The following RGL1 variants were observed in gnomAD, a reference collection of about 807,000 sequenced individuals.
RGL1 encodes ral guanine nucleotide dissociation stimulator-like 1.
A neutral mutation model predicts 95.2 loss-of-function variants in RGL1; 24 were observed. The observed-to-expected ratio is 0.25, with a 90% CI of 0.18 to 0.35. RGL1 has a LOEUF of 0.35. Ranked by LOEUF, RGL1 falls within the 10% of genes least tolerant of loss-of-function variation. The pLI is 1.00. For missense variants in RGL1, 715 were observed against 936.3 expected, an observed-to-expected ratio of 0.76 and a Z score of 3.08; for synonymous variants, 329 against 344.9, an observed-to-expected ratio of 0.95 and a Z score of 0.51.
chr1:183,691,713 C>G (rs747495165), intron 1 of RGL1, among the ~76,000 whole-genome samples: 1 of 151,980 alleles, frequency 6.6e-6, no homozygotes, highest in Non-Finnish European at 1.5e-5. Flanking sequence ...CATTAGTAAG[C>G]CATATTTTTA....
chr1:183,700,853 G>C (rs1174294902), intron 1 of RGL1, among the ~76,000 whole-genome samples: 2 of 151,932 alleles, frequency 1.3e-5, no homozygotes, highest in Non-Finnish European at 2.9e-5. Flanking sequence ...CTGTCATCTA[G>C]GTTTTAAGCC....
At chr1:183,856,590 T>C (rs1231295400) in intron 3 of RGL1, among the ~76,000 whole-genome samples, 1 of 150,668 alleles carries the variant, frequency 6.6e-6, no homozygotes, top group Non-Finnish European at 1.5e-5. Context: ...GGAGCCAGAA[T>C]GTGACCAGAA....
At chr1:183,787,122 G>A (rs77429091) in intron 2 of RGL1, among the ~76,000 whole-genome samples, 197 of 152,328 alleles carry the variant, frequency 1.3e-3, no homozygotes, top group Middle Eastern at 3.4e-3. Context: ...CATGGAATGA[G>A]CTAATGAGAG....
chr1:183,712,295 G>T (rs543608285), intron 1 of RGL1, among the ~76,000 whole-genome samples: 1 of 152,200 alleles, frequency 6.6e-6, no homozygotes, highest in East Asian at 1.9e-4. Context: ...GAGGCCGTGA[G>T]GTATTCACTT....
chr1:183,644,376 G>T (rs1650144878), intron 1 of RGL1, among the ~76,000 whole-genome samples: 1 of 152,050 alleles, frequency 6.6e-6, no homozygotes, highest in South Asian at 2.1e-4. Context: ...ATACATGTAA[G>T]TGCTTAGAAA....
intron 2 of RGL1, among the ~76,000 whole-genome samples, chr1:183,752,994 T>G (rs568581932): frequency 1.3e-5 from 2 of 152,284 alleles, no homozygotes; most frequent in African/African-American, 4.8e-5. Context: ...CATTTTGGGG[T>G]ACGAGGGCTT....
At chr1:183,910,999 G>A (rs1668611067) in intron 14 of RGL1, among the ~76,000 whole-genome samples, 1 of 152,186 alleles carries the variant, frequency 6.6e-6, no homozygotes, top group Non-Finnish European at 1.5e-5. Context: ...CCTGCTTTTT[G>A]TTATGCCTGT....
At chr1:183,783,294 A>T (rs1659996373) in intron 2 of RGL1, among the ~76,000 whole-genome samples, 1 of 152,180 alleles carries the variant, frequency 6.6e-6, no homozygotes. Flanking sequence ...GGCAAAGGGA[A>T]GAAAATAAGG....
At chr1:183,644,427 GATA>G (rs887086791) in intron 1 of RGL1, among the ~76,000 whole-genome samples, 9 of 151,922 alleles carry the variant, frequency 5.9e-5, no homozygotes, top group Non-Finnish European at 1.2e-4. Context: ...TAGTAATAAT[GATA>G]ATATTATTTT....
At chr1:183,759,382 G>C (rs1284909906) in intron 2 of RGL1, among the ~76,000 whole-genome samples, 1 of 152,144 alleles carries the variant, frequency 6.6e-6, no homozygotes, top group Non-Finnish European at 1.5e-5. Context: ...ACCTGGCCCT[G>C]GGATGATTAA....
At chr1:183,831,063 A>G (rs1663226798) in intron 2 of RGL1, among the ~76,000 whole-genome samples, 1 of 152,208 alleles carries the variant, frequency 6.6e-6, no homozygotes. Flanking sequence ...CTCTGAACCC[A>G]TGGAGTTTAC....
chr1:183,761,862 C>T (rs1658681793), intron 2 of RGL1, among the ~76,000 whole-genome samples: 1 of 152,224 alleles, frequency 6.6e-6, no homozygotes, highest in African/African-American at 2.4e-5. Context: ...TCAGCATTTA[C>T]TGCTTCACCT....
chr1:183,777,974 T>C (rs529203914), intron 2 of RGL1, among the ~76,000 whole-genome samples: 1 of 152,302 alleles, frequency 6.6e-6, no homozygotes, highest in Admixed American at 6.5e-5. Context: ...TTTGAAGGGA[T>C]AGATTATCTT....
At chr1:183,798,384 C>T (rs895613858) in intron 2 of RGL1, among the ~76,000 whole-genome samples, 3 of 152,072 alleles carry the variant, frequency 2.0e-5, no homozygotes, top group Non-Finnish European at 4.4e-5. Flanking sequence ...ATGCAGAATG[C>T]TGTACATATC....
At chr1:183,882,685 T>G (rs555462151) in intron 5 of RGL1, among the ~76,000 whole-genome samples, 65 of 152,258 alleles carry the variant, frequency 4.3e-4, no homozygotes, top group Non-Finnish European at 8.4e-4. Context: ...TCAAATCACA[T>G]ACCTGCCACC....
At chr1:183,779,072 A>G (rs945705635) in intron 2 of RGL1, among the ~76,000 whole-genome samples, 1 of 152,266 alleles carries the variant, frequency 6.6e-6, no homozygotes, top group South Asian at 2.1e-4. Context: ...CCCCTGGAGG[A>G]CAGACTGCTA....
In RGL1 at chr1:183,911,121, C is replaced by T. The variant is rs114759441; in HGVS notation, c.1563-961C>T. Reference sequence around the variant, plus strand: ...GCCTGGGCTGAAGGTATATCCCTCCCGCAAGATTTTCTTTTTTTTTAAGAA... The same window carrying T: ...GCCTGGGCTGAAGGTATATCCCTCCTGCAAGATTTTCTTTTTTTTTAAGAA... On this transcript the variant is annotated intron_variant, in intron 14 of 17. Transcript: ENST00000360851. 8.2e-3 allele frequency among the ~76,000 whole-genome samples: 1,246 copies of T among 152,242 alleles called. 19 individuals are homozygous for T. The highest frequency in any genetic ancestry group is 0.028 in the African/African-American group (1,177 of 41,532).
chr1:183,882,154 C>A (rs548049519), intron 5 of RGL1, among the ~76,000 whole-genome samples: 1 of 152,364 alleles, frequency 6.6e-6, no homozygotes, highest in Non-Finnish European at 1.5e-5. Flanking sequence ...TAAAATCGTG[C>A]TTCATGTTGT....
At chr1:183,891,041 C>T (rs375513963) in intron 8 of RGL1, among the ~76,000 whole-genome samples, 1 of 152,066 alleles carries the variant, frequency 6.6e-6, no homozygotes, top group African/African-American at 2.4e-5. Flanking sequence ...TGACATTTGT[C>T]GCTTTAAGTA....
Sources: allele counts gnomAD v4.1 joint callset (sites outside exome capture counted in the v4.1 genomes callset), GRCh38; gene constraint gnomAD v4.1.1; transcripts MANE v1.5; gene names NCBI Gene and HGNC (gene_info 2026-07-23, HGNC 2026-07-21).